Variants in SDK1 observed in about 807,000 individuals in gnomAD.
The protein encoded by SDK1 is sidekick cell adhesion molecule 1, also known as protein sidekick-1.
SDK1 carries 157 observed loss-of-function variants against 245.5 expected under a neutral mutation model. The ratio of observed to expected loss-of-function variants is 0.64; its 90% CI spans 0.56 to 0.73. The LOEUF is 0.73. Ranked by LOEUF, SDK1 falls within the 30% of genes least tolerant of loss-of-function variation. SDK1 has a pLI of 0.00. For synonymous variants in SDK1, 1,647 were observed against 1,278.5 expected (o/e 1.29, Z -6.15); for missense variants, 3,583 against 3,002.3 (o/e 1.19, Z -4.52).
chr7:3,825,513 C>T (rs1779750086), intron 5 of SDK1, among the ~76,000 whole-genome samples: 1 of 152,266 alleles, frequency 6.6e-6, no homozygotes, highest in East Asian at 1.9e-4. Context: ...TGCCTCTCTC[C>T]TTCCTGTTTT....
intron 5 of SDK1, among the ~76,000 whole-genome samples, chr7:3,824,936 G>C (rs771553895): frequency 6.6e-6 from 1 of 152,126 alleles, no homozygotes; most frequent in East Asian, 1.9e-4. Context: ...GTTCTGAACC[G>C]ATATTCCTGT....
intron 19 of SDK1, among the ~76,000 whole-genome samples, chr7:4,053,553 C>G (rs1779018122): frequency 6.6e-6 from 1 of 152,098 alleles, no homozygotes; most frequent in Non-Finnish European, 1.5e-5. Flanking sequence ...ACTGTGCTGC[C>G]CCTGGAGCTG....
intron 4 of SDK1, among the ~76,000 whole-genome samples, chr7:3,762,459 T>G (rs989270061): frequency 6.6e-6 from 1 of 152,226 alleles, no homozygotes; most frequent in Non-Finnish European, 1.5e-5. Context: ...TACTTCATTT[T>G]TCTTAAACAT....
At chr7:3,451,831 A>C (rs867744738) in intron 1 of SDK1, among the ~76,000 whole-genome samples, 3 of 152,186 alleles carry the variant, frequency 2.0e-5, no homozygotes, top group Admixed American at 6.5e-5. Flanking sequence ...TGGGCCAATC[A>C]AACTAGTGTA....
chr7:3,845,233 C>T (rs1780247088), intron 5 of SDK1, among the ~76,000 whole-genome samples: 2 of 152,044 alleles, frequency 1.3e-5, no homozygotes, highest in Admixed American at 1.3e-4. Flanking sequence ...CGGTGGCTCA[C>T]ACCTTCCCAG....
At chr7:4,089,073 ACCCT>A (rs1276522322) in intron 22 of SDK1, among the ~76,000 whole-genome samples, 11 of 138,798 alleles carry the variant, frequency 7.9e-5, no homozygotes, top group African/African-American at 2.3e-4. Flanking sequence ...TGGAGGTGAG[ACCCT>A]CCCTCAGGCG....
chr7:3,469,213 A>C (rs994551580), intron 1 of SDK1, among the ~76,000 whole-genome samples: 3 of 152,212 alleles, frequency 2.0e-5, no homozygotes, highest in Non-Finnish European at 4.4e-5. Context: ...GCTTCAAGCC[A>C]GAAGTTCGAG....
At position 4,026,582 on chromosome 7, in the gene SDK1, G is replaced by A. The variant is rs1485298934; in HGVS notation, c.2602+9230G>A. On this transcript the variant is annotated intron_variant, in intron 17 of 44. Transcript: ENST00000404826. The surrounding 1 kb of genome is among the most constrained non-coding windows in gnomAD (Gnocchi z 4.1). ...TCAATGCCTGGCAAGTAAAGATTTG[G>A]AAAAAAAAATAAGTTCAGAAAGGAA... is the stretch of plus-strand genomic sequence containing the variant. 6.7e-6 allele frequency among the ~76,000 whole-genome samples: 1 copy of A among 149,974 alleles called. No homozygotes were observed. Among genetic ancestry groups the A allele is most frequent in the Admixed American group, 6.6e-5 (1 of 15,066 alleles).
intron 17 of SDK1, among the ~76,000 whole-genome samples, chr7:4,039,038 TA>T (rs1423008954): frequency 6.6e-6 from 1 of 151,588 alleles, no homozygotes; most frequent in East Asian, 1.9e-4. Flanking sequence ...TTTCTTTAAT[TA>T]AAAAACGTAA....
At chr7:3,877,173 G>C (rs1017737837) in intron 5 of SDK1, among the ~76,000 whole-genome samples, 8 of 152,274 alleles carry the variant, frequency 5.3e-5, no homozygotes, top group African/African-American at 1.9e-4. Flanking sequence ...TCATCAGAGT[G>C]GCCACTTGGT....
chr7:4,260,505 A>G (rs1787920060), intron 44 of SDK1, among the ~76,000 whole-genome samples: 1 of 104,034 alleles, frequency 9.6e-6, no homozygotes, highest in East Asian at 3.1e-4. Flanking sequence ...CCTGATGGAG[A>G]AGCTGGCTGC....
At chr7:3,432,861 C>A (rs372293492) in intron 1 of SDK1, among the ~76,000 whole-genome samples, 31 of 152,184 alleles carry the variant, frequency 2.0e-4, no homozygotes, top group African/African-American at 7.2e-4. Context: ...CCTAAACCAG[C>A]CTGAAAAATT....
At position 3,951,025 on chromosome 7, in the gene SDK1, C is replaced by T. The variant is rs34775958; in HGVS notation, c.950C>T (p.Ala317Val). The change falls in exon 6 of 45, where the codon GCC becomes GTC. Residue 317 changes from alanine (A) to valine (V), a missense_variant. Ala to Val is a moderately conservative substitution (Grantham distance 64). Transcript: ENST00000404826. ...GSSETTLECIASARPVEDLSV... is the reference protein window; with the variant it reads ...GSSETTLECIVSARPVEDLSV... ...AGTGAGACCACCTTGGAATGTATAG[C>T]CAGTGCCAGGTACGAGGCGCGTCTC... 5.4e-3 allele frequency: 8,705 copies of T among 1,611,208 alleles called. 116 individuals carry two copies. Among genetic ancestry groups the T allele is most frequent in the South Asian group, 0.033 (3,013 of 91,004 alleles).
intron 32 of SDK1, 62 bp from the exon 33 acceptor site, chr7:4,174,160 C>G: frequency 6.3e-7 from 1 of 1,593,514 alleles, no homozygotes. Context: ...GAGGTGAGCC[C>G]TGCTGCAGGC....
At chr7:3,737,626 C>T (rs891093430) in intron 4 of SDK1, among the ~76,000 whole-genome samples, 2 of 152,184 alleles carry the variant, frequency 1.3e-5, no homozygotes, top group Non-Finnish European at 2.9e-5. Flanking sequence ...ACTCCACTGG[C>T]AGGGATTTGG....
intron 22 of SDK1, among the ~76,000 whole-genome samples, chr7:4,083,358 C>G (rs1356165920): frequency 2.0e-5 from 3 of 152,070 alleles, no homozygotes; most frequent in African/African-American, 7.2e-5. Context: ...CTCTTTTCCC[C>G]CATGCAGTTG....
intron 4 of SDK1, among the ~76,000 whole-genome samples, chr7:3,799,391 G>C (rs1779048387): frequency 6.6e-6 from 1 of 151,488 alleles, no homozygotes; most frequent in African/African-American, 2.4e-5. Context: ...CGGTGTTGAA[G>C]GCATACGAAT....
chr7:3,727,876 C>G (rs1343533990), intron 4 of SDK1, among the ~76,000 whole-genome samples: 1 of 152,130 alleles, frequency 6.6e-6, no homozygotes, highest in East Asian at 1.9e-4. Flanking sequence ...AGTTTTTGCT[C>G]AATGCCTCCT....
intron 7 of SDK1, 34 bp from the exon 8 acceptor site, chr7:3,958,897 G>GC: frequency 6.5e-7 from 1 of 1,548,400 alleles, no homozygotes; most frequent in Non-Finnish European, 8.9e-7. Flanking sequence ...TCCTTCTTTG[G>GC]CTTAGGGGCT....
Sources: gnomAD v4.1 joint callset for allele counts (sites outside exome capture counted in the v4.1 genomes callset) on GRCh38, gnomAD v4.1.1 for gene constraint, Gnocchi (gnomAD v3.1) non-coding constraint, MANE v1.5 for transcripts, NCBI Gene and HGNC (gene_info 2026-07-23, HGNC 2026-07-21) for gene names.